Variants in CAPN5 observed in about 807,000 individuals in gnomAD.
CAPN5 encodes the protein calpain-5.
Under a neutral mutation model 73.0 loss-of-function variants are expected in CAPN5, and 54 were observed. The observed-to-expected ratio is 0.74, with a 90% confidence interval of 0.59 to 0.93. CAPN5 has a LOEUF of 0.93. Ranked by LOEUF, CAPN5 falls within the 40% of genes least tolerant of loss-of-function variation. The probability of loss-of-function intolerance (pLI) is 0.00; values close to 1 mark genes in which losing one functional copy is unlikely to be tolerated. For missense variants in CAPN5, 785 were observed against 882.9 expected, an observed-to-expected ratio of 0.89 and a Z score of 1.41; for synonymous variants, 335 against 356.9, an observed-to-expected ratio of 0.94 and a Z score of 0.69.
At chr11:77,118,946 A>C in intron 8 of CAPN5, 84 bp from the exon 9 acceptor site, 1 of 1,469,452 alleles carries the variant, frequency 6.8e-7, no homozygotes, top group Non-Finnish European at 9.3e-7. Flanking sequence ...CAGGCTCTGG[A>C]GTCTGAGCTT....
chr11:77,115,204 TG>T (rs1950453588), intron 5 of CAPN5, among the ~76,000 whole-genome samples, 190 bp from the exon 6 acceptor site: 1 of 152,258 alleles, frequency 6.6e-6, no homozygotes, highest in Non-Finnish European at 1.5e-5. Flanking sequence ...TGACCCACTA[TG>T]GGCACCTTCC....
chr11:77,074,838 A>AC lies in CAPN5; in HGVS notation c.-36+7747dup, dbSNP rs1949951501. Among the ~76,000 whole-genome samples, 3 of 151,806 alleles carry AC rather than the reference A, an allele frequency of 2.0e-5. No homozygotes were observed. The South Asian group carries it at 6.2e-4, about 32-fold the overall frequency. On this transcript the variant is annotated intron_variant, in intron 1 of 12. Transcript: ENST00000648180. ...CGGGGCAGTGGAGCACAGGAGAAGG[A>AC]CCCTCAGCAGGCATTCCTGCATTCT...
intron 1 of CAPN5, among the ~76,000 whole-genome samples, chr11:77,081,618 C>G (rs1308466706): frequency 6.6e-6 from 1 of 152,106 alleles, no homozygotes; most frequent in Non-Finnish European, 1.5e-5. Flanking sequence ...GGCACATTGT[C>G]TCTTCCAGAC....
chr11:77,100,251 G>C (rs934597510), intron 3 of CAPN5, among the ~76,000 whole-genome samples: 1 of 152,090 alleles, frequency 6.6e-6, no homozygotes. Flanking sequence ...CAAGGTGTCC[G>C]ATGGCTGAGC....
chr11:77,081,969 C>T (rs531464801), intron 1 of CAPN5, among the ~76,000 whole-genome samples: 1 of 152,090 alleles, frequency 6.6e-6, no homozygotes, highest in Non-Finnish European at 1.5e-5. Context: ...TTGGTTCATG[C>T]AACATAACTC....
chr11:77,073,020 A>G (rs1272868265), intron 1 of CAPN5: 1 of 1,196,032 alleles, frequency 8.4e-7, no homozygotes, highest in East Asian at 5.7e-5. Flanking sequence ...GTGAGCGAGC[A>G]CACAGCCCCC....
At chr11:77,076,608 T>C (rs1447510803) in intron 1 of CAPN5, among the ~76,000 whole-genome samples, 13 of 152,238 alleles carry the variant, frequency 8.5e-5, no homozygotes, top group Admixed American at 7.8e-4. Flanking sequence ...ATGAGTAAGA[T>C]CATGTGTTAT....
intron 8 of CAPN5, 103 bp from the exon 9 acceptor site, chr11:77,118,927 T>C (rs1950494969): frequency 1.5e-6 from 2 of 1,305,768 alleles, no homozygotes; most frequent in East Asian, 2.5e-5. Context: ...AGAGGTGCTG[T>C]GACTGGTCCA....
chr11:77,087,572 C>T (rs571087981), intron 2 of CAPN5, among the ~76,000 whole-genome samples: 190 of 152,296 alleles, frequency 1.2e-3, no homozygotes, highest in South Asian at 5.4e-3. Flanking sequence ...GTGAACTTGG[C>T]TGCAGCCTTG....
In CAPN5 at chr11:77,118,301, C is replaced by A. The variant is rs1555042112; in HGVS notation, c.1116C>A (p.Asn372Lys). 6.2e-7 allele frequency: 1 copy of A among 1,612,152 alleles called. No individual in the cohort carries two copies. The highest frequency in any genetic ancestry group is 2.2e-5 in the East Asian group (1 of 44,808). ...AWTLHEDPRQ[N>K]RGGGCINHKD... ...CGCTGCATGAGGACCCGCGACAGAA[C>A]CGCGGTGGCGGCTGCATCAACCACA... is the stretch of plus-strand genomic sequence containing the variant. Residue 372 changes from asparagine (N) to lysine (K), a missense_variant, in exon 8 of 13, where the codon AAC becomes AAA. By Grantham distance (94) the Asn-to-Lys change is moderately conservative (BLOSUM62 0). Transcript: ENST00000648180.
chr11:77,112,051 A>T (rs1950415551), intron 3 of CAPN5, among the ~76,000 whole-genome samples: 1 of 152,048 alleles, frequency 6.6e-6, no homozygotes, highest in South Asian at 2.1e-4. Flanking sequence ...GTGGGGCGAG[A>T]GTAGATGTAG....
At chr11:77,075,727 G>T (rs577605923) in intron 1 of CAPN5, among the ~76,000 whole-genome samples, 16 of 152,156 alleles carry the variant, frequency 1.1e-4, no homozygotes, top group African/African-American at 3.6e-4. Context: ...ACAGACAGGT[G>T]CATAGGTCTT....
chr11:77,108,122 G>A (rs1417844991), intron 3 of CAPN5, among the ~76,000 whole-genome samples: 2 of 152,180 alleles, frequency 1.3e-5, no homozygotes, highest in African/African-American at 4.8e-5. Flanking sequence ...GTCACCAGCC[G>A]GTCAAGGCTG....
At chr11:77,090,146 G>C (rs2135430945) in intron 2 of CAPN5, among the ~76,000 whole-genome samples, 1 of 152,274 alleles carries the variant, frequency 6.6e-6, no homozygotes, top group Non-Finnish European at 1.5e-5. Flanking sequence ...GTGCCCCAAG[G>C]TGGCCCCTGG....
rs1591147741 is a variant in CAPN5, at chr11:77,118,228, T to G, written c.1043T>G (p.Leu348Arg). 6.2e-7 allele frequency: 1 copy of G among 1,614,140 alleles called. No homozygotes were observed. The change falls in exon 8 of 13, where the codon CTG (leucine) becomes CGG (arginine). Residue 348 changes from leucine (L) to arginine (R), a missense_variant. Physicochemically the swap from Leu to Arg is moderately radical, Grantham distance 102 (BLOSUM62 -2). Coordinates refer to ENST00000648180, the MANE Select transcript of CAPN5 (RefSeq NM_004055.5). ...TGCCGCGTGATCAACACATCCCACC[T>G]GAGCATCCACAAGACGTGGGAGGAG... Reference protein sequence around the residue: ...IKCRVINTSHLSIHKTWEEAR... With the variant: ...IKCRVINTSHRSIHKTWEEAR...
chr11:77,084,287 C>T lies in CAPN5; in HGVS notation c.-35-565C>T, dbSNP rs138214985. On this transcript the variant is annotated intron_variant, in intron 1 of 12. Transcript: ENST00000648180. ...GGAGGGAGGGTTAAGGAGCCATGGG[C>T]CTGCTCTCTACAGAATTAGAGACGC... is the stretch of plus-strand genomic sequence containing the variant. Among the ~76,000 whole-genome samples, 578 of 152,290 alleles carry T rather than the reference C, an allele frequency of 3.8e-3. 3 individuals are homozygous for T. The highest frequency in any genetic ancestry group is 0.013 in the African/African-American group (548 of 41,558).
At position 77,124,246 on chromosome 11, in the gene CAPN5, T is replaced by C; in HGVS notation, c.*376T>C. 1 of 209,954 alleles carries C rather than the reference T, an allele frequency of 4.8e-6. No individual in the cohort carries two copies. The highest frequency in any genetic ancestry group is 9.6e-6 in the Non-Finnish European group (1 of 104,190). 13.0% of individuals were successfully genotyped at this position (209,954 alleles called of 1,614,324 possible). ...CCCCAAGCTCCGTTCTTGCCCCTCG[T>C]GTCCTAGGCCCAACCCAGCCTCCCA... is the stretch of plus-strand genomic sequence containing the variant. On this transcript the variant is annotated 3_prime_UTR_variant, in exon 13 of 13. Coordinates refer to ENST00000648180, the MANE Select transcript of CAPN5 (RefSeq NM_004055.5).
Position 77,124,391 on chromosome 11 carries a change from C to T in CAPN5, c.*521C>T, listed in dbSNP as rs1360487353. 6.3e-6 allele frequency: 1 copy of T among 157,768 alleles called. No individual in the cohort carries two copies. The highest frequency in any genetic ancestry group is 2.4e-5 in the African/African-American group (1 of 41,574). The allele number at this position is 157,768 out of a possible 1,614,324, so 9.8% of individuals were successfully genotyped here. On this transcript the variant is annotated 3_prime_UTR_variant, in exon 13 of 13. Transcript: ENST00000648180. Reference sequence around the variant, plus strand: ...AATATGCAGGTGACATTTGTTCATTCTCTAATCCCATCCTCTCACCCATCC... The same window carrying T: ...AATATGCAGGTGACATTTGTTCATTTTCTAATCCCATCCTCTCACCCATCC...
chr11:77,102,178 A>C (rs1950292108), intron 3 of CAPN5, among the ~76,000 whole-genome samples: 1 of 152,134 alleles, frequency 6.6e-6, no homozygotes, highest in Non-Finnish European at 1.5e-5. Context: ...AAGTCTTGAG[A>C]ACCACGGGTC....
Sources: allele counts gnomAD v4.1 joint callset (sites outside exome capture counted in the v4.1 genomes callset), GRCh38; gene constraint gnomAD v4.1.1; transcripts MANE v1.5; gene names NCBI Gene and HGNC (gene_info 2026-07-23, HGNC 2026-07-21).